EXT1: variants seen among roughly 807,000 people sequenced by gnomAD.
EXT1 encodes the protein exostosin glycosyltransferase 1.
In EXT1, 20 loss-of-function variants were observed where a neutral mutation model predicts 82.5. The observed-to-expected ratio is 0.24, with a 90% CI of 0.17 to 0.35. The LOEUF is 0.35. EXT1 is among the 10% of genes least tolerant of loss of function. EXT1 has a pLI of 1.00. For missense variants in EXT1, 757 were observed against 936.5 expected (o/e 0.81, Z 2.50); for synonymous variants, 348 against 350.8 (o/e 0.99, Z 0.09).
intron 1 of EXT1, among the ~76,000 whole-genome samples, chr8:118,091,447 T>C (rs1254554822): frequency 2.0e-5 from 3 of 152,092 alleles, no homozygotes; most frequent in African/African-American, 7.2e-5. Flanking sequence ...TACAAAAAAA[T>C]AAATAAGTCG....
At chr8:117,844,870 C>A (rs754457567) in intron 1 of EXT1, among the ~76,000 whole-genome samples, 1 of 151,142 alleles carries the variant, frequency 6.6e-6, no homozygotes, top group Non-Finnish European at 1.5e-5. Context: ...GGTACAATTC[C>A]TTACTCAAGA....
At chr8:118,021,434 A>G (rs1353534084) in intron 1 of EXT1, among the ~76,000 whole-genome samples, 1 of 152,182 alleles carries the variant, frequency 6.6e-6, no homozygotes, top group Non-Finnish European at 1.5e-5. Flanking sequence ...ATTGTCAGGG[A>G]GGTTTTGACA....
intron 1 of EXT1, among the ~76,000 whole-genome samples, chr8:117,939,613 G>C (rs920260313): frequency 8.6e-5 from 13 of 150,932 alleles, no homozygotes; most frequent in Admixed American, 8.6e-4. Flanking sequence ...TAATAGTGAA[G>C]GTGAGAAAAT....
chr8:117,896,998 G>T (rs1398664400), intron 1 of EXT1, among the ~76,000 whole-genome samples: 4 of 152,062 alleles, frequency 2.6e-5, no homozygotes. Flanking sequence ...CTTCCTCCCT[G>T]CTCTAAGAAG....
intron 1 of EXT1, among the ~76,000 whole-genome samples, chr8:117,842,776 T>C (rs1458197191): frequency 6.6e-6 from 1 of 152,244 alleles, no homozygotes; most frequent in East Asian, 1.9e-4. Context: ...GGCTTTTGCC[T>C]TATTATCAAA....
At chr8:117,890,886 G>A (rs1813230896) in intron 1 of EXT1, among the ~76,000 whole-genome samples, 1 of 152,160 alleles carries the variant, frequency 6.6e-6, no homozygotes, top group South Asian at 2.1e-4. Context: ...CCGTTAGCTT[G>A]AAAGAGAACC....
rs144735913 is a variant in EXT1, at chr8:117,855,438, T to C, written c.963-18237A>G. ...TAGGGTGATTTGTGATCAATGCTCT[T>C]TGATATGTTACTACTGTAATTGTTT... On this transcript the variant is annotated intron_variant, in intron 1 of 10. Transcript: ENST00000378204. Among the ~76,000 whole-genome samples, 22 of 152,296 alleles carry C rather than the reference T, an allele frequency of 1.4e-4. No homozygotes were observed. The East Asian group carries it at 3.7e-3, about 25-fold the overall frequency.
chr8:118,045,659 C>A (rs564502603), intron 1 of EXT1, among the ~76,000 whole-genome samples: 2 of 152,176 alleles, frequency 1.3e-5, no homozygotes, highest in African/African-American at 4.8e-5. Flanking sequence ...GCTTCCATCA[C>A]CACCCTCCTC....
intron 4 of EXT1, among the ~76,000 whole-genome samples, chr8:117,824,782 T>C (rs951112527): frequency 5.6e-4 from 85 of 152,334 alleles, no homozygotes; most frequent in African/African-American, 2.0e-3. Flanking sequence ...ATTTTTTCCA[T>C]GCAAAGCAAT....
chr8:117,837,966 C>A (rs537199810), intron 1 of EXT1, among the ~76,000 whole-genome samples: 2 of 151,804 alleles, frequency 1.3e-5, no homozygotes. Flanking sequence ...TTTTGCTTTT[C>A]GAAAAAACAT....
chr8:117,968,541 ATTTATTTATTTATTTTTTTTTTTTTTTTT>A (rs1200724177), intron 1 of EXT1, among the ~76,000 whole-genome samples: 1,878 of 15,472 alleles, frequency 0.12, 349 homozygotes, highest in African/African-American at 0.36. Flanking sequence ...TTATTTATTT[ATTTATTTATTTATTTTTTTTTTTTTTTTT>A]TTTTTTTTTT....
intron 1 of EXT1, among the ~76,000 whole-genome samples, chr8:117,851,240 A>C (rs1812447140): frequency 6.6e-6 from 1 of 152,182 alleles, no homozygotes; most frequent in African/African-American, 2.4e-5. Context: ...TAACTTACCC[A>C]AGATATCACC....
chr8:117,979,674 T>C (rs986845602), intron 1 of EXT1, among the ~76,000 whole-genome samples: 8 of 152,218 alleles, frequency 5.3e-5, no homozygotes, highest in Non-Finnish European at 1.0e-4. Flanking sequence ...CCATTTATCC[T>C]AGATGCGTAA....
At chr8:118,018,439 A>G (rs924641563) in intron 1 of EXT1, among the ~76,000 whole-genome samples, 6 of 152,200 alleles carry the variant, frequency 3.9e-5, no homozygotes, top group African/African-American at 1.4e-4. Flanking sequence ...GGCAAGAGAT[A>G]TGGAACAGAC....
intron 1 of EXT1, among the ~76,000 whole-genome samples, chr8:117,867,184 A>G (rs1200310857): frequency 6.7e-6 from 1 of 150,132 alleles, no homozygotes; most frequent in African/African-American, 2.4e-5. Flanking sequence ...GCTTGAACCC[A>G]GGAGGCAGAA....
intron 1 of EXT1, among the ~76,000 whole-genome samples, chr8:118,013,491 G>A (rs898586478): frequency 7.2e-5 from 11 of 152,174 alleles, no homozygotes; most frequent in Middle Eastern, 6.3e-3. Context: ...TTACAGGCAT[G>A]AGCCACTGGG....
chr8:117,908,025 C>G (rs2129982479), intron 1 of EXT1, among the ~76,000 whole-genome samples: 1 of 152,316 alleles, frequency 6.6e-6, no homozygotes, highest in Non-Finnish European at 1.5e-5. Context: ...ATTTCTATTT[C>G]TTAAATAGGA....
At chr8:117,973,926 A>AAAGG (rs1196438624) in intron 1 of EXT1, among the ~76,000 whole-genome samples, 62 of 71,680 alleles carry the variant, frequency 8.6e-4, no homozygotes, top group African/African-American at 2.7e-3. Flanking sequence ...AGAAAGGCAG[A>AAAGG]AAGCAAGGAA....
At chr8:117,816,380 G>A (rs1000098910) in intron 7 of EXT1, among the ~76,000 whole-genome samples, 1 of 152,156 alleles carries the variant, frequency 6.6e-6, no homozygotes, top group Non-Finnish European at 1.5e-5. Flanking sequence ...GATATGGAAT[G>A]GTCTTATTTA....
Sources: gnomAD v4.1 joint callset for allele counts (sites outside exome capture counted in the v4.1 genomes callset) on GRCh38, gnomAD v4.1.1 for gene constraint, MANE v1.5 for transcripts, NCBI Gene and HGNC (gene_info 2026-07-23, HGNC 2026-07-21) for gene names.